USP45: variants seen among roughly 807,000 people sequenced by gnomAD.
USP45 encodes ubiquitin carboxyl-terminal hydrolase 45.
In USP45, 89 loss-of-function variants were observed where a neutral mutation model predicts 95.8. That is an observed-to-expected ratio of 0.93 (90% CI 0.78 to 1.11). USP45 has a LOEUF of 1.11. USP45 is among the 50% of genes least tolerant of loss of function. The pLI, the probability that USP45 is intolerant of heterozygous loss-of-function variation, is 0.00. For missense variants in USP45, 898 were observed against 942.5 expected, an observed-to-expected ratio of 0.95 and a Z score of 0.62; for synonymous variants, 281 against 316.2, an observed-to-expected ratio of 0.89 and a Z score of 1.18.
At chr6:99,464,505 A>G (rs1448402109) in intron 13 of USP45, 99 bp downstream of exon 13, 2 of 1,334,276 alleles carry the variant, frequency 1.5e-6, no homozygotes, top group African/African-American at 1.5e-5. Flanking sequence ...TGGGTACATG[A>G]GAGTTTATTA....
chr6:99,510,664 A>C (rs993798745), intron 1 of USP45, among the ~76,000 whole-genome samples: 1 of 152,152 alleles, frequency 6.6e-6, no homozygotes, highest in Non-Finnish European at 1.5e-5. Context: ...ACCAGGAAGA[A>C]GGCCCTCACC....
intron 13 of USP45, chr6:99,461,077 T>G (rs1786332065): frequency 2.0e-6 from 2 of 984,924 alleles, no homozygotes; most frequent in African/African-American, 3.5e-5. Context: ...CACTTCTGAT[T>G]CTGGCAGAAG....
rs1405237166 is a variant in USP45 at position 99,435,744 on chromosome 6, T to C, written c.2417A>G (p.Tyr806Cys). ...PESRALSAQA[Y>C]LLFYERVL ...TAATACTCTTTCATAGAAAAGAAGG[T>C]AGGCTTGTGCACTAAGTGCTCTTGA... Residue 806 changes from tyrosine (Y) to cysteine (C), a missense_variant, in exon 18 of 18, where the codon TAC (tyrosine) becomes TGC (cysteine). Coordinates refer to ENST00000500704, the MANE Select transcript of USP45 (RefSeq NM_001346022.3). The C allele has an allele frequency of 6.2e-7, 1 of 1,613,352 alleles. No individual in the cohort carries two copies.
At chr6:99,504,269 A>T (rs563125027) in intron 4 of USP45, among the ~76,000 whole-genome samples, 2 of 152,274 alleles carry the variant, frequency 1.3e-5, no homozygotes, top group South Asian at 4.1e-4. Flanking sequence ...GCCACCCAGT[A>T]GCTGGGATTA....
In USP45 at chr6:99,445,797, C is replaced by A; in HGVS notation, c.1975G>T (p.Glu659Ter). 1 of 1,549,906 alleles carries A rather than the reference C, an allele frequency of 6.5e-7. No homozygotes were observed. The change falls in exon 14 of 18, where the codon GAA becomes TAA. Residue 659 changes from glutamate (E) to a stop codon, truncating the protein, a stop_gained and splice_region_variant. Transcript: ENST00000500704. LOFTEE classifies it high-confidence loss of function. ...QKYQEETSFA[E>*]KKVEGVYTNA... The stretch of plus-strand genomic sequence containing the variant: ...ATTATGTAATTAAAAAAATAATTAC[C>A]TGCAAAACTGGTTTCTTCTTGGTAC...
upstream of USP45, among the ~76,000 whole-genome samples, chr6:99,516,250 G>T (rs926760244): frequency 6.6e-6 from 1 of 152,188 alleles, no homozygotes; most frequent in Non-Finnish European, 1.5e-5. Context: ...GTTATCTGTT[G>T]AAGTGGCCAG....
intron 16 of USP45, among the ~76,000 whole-genome samples, chr6:99,439,182 G>A (rs1781054585): frequency 1.3e-5 from 2 of 152,132 alleles, no homozygotes; most frequent in Non-Finnish European, 2.9e-5. Context: ...GAACAGGACA[G>A]TATGTTACCC....
At chr6:99,456,126 C>G (rs1401059845) in intron 13 of USP45, among the ~76,000 whole-genome samples, 1 of 92,196 alleles carries the variant, frequency 1.1e-5, no homozygotes, top group Non-Finnish European at 2.0e-5. Context: ...GAGCGAGACT[C>G]TGTCTCGGAA....
intron 1 of USP45, among the ~76,000 whole-genome samples, chr6:99,511,073 T>C (rs1409814754): frequency 6.6e-6 from 1 of 151,768 alleles, no homozygotes; most frequent in African/African-American, 2.4e-5. Context: ...TTTTTGGGGG[T>C]TTTTCACTCT....
intron 8 of USP45, among the ~76,000 whole-genome samples, chr6:99,476,853 AAT>A (rs984016573): frequency 6.6e-6 from 1 of 152,232 alleles, no homozygotes; most frequent in African/African-American, 2.4e-5. Flanking sequence ...TCTCCCTGTG[AAT>A]ATGTTTTTTA....
rs764062524 is a variant in USP45, at chr6:99,445,826, T to C, written c.1946A>G (p.Gln649Arg). Residue 649 changes from glutamine (Q) to arginine (R), a missense_variant, in exon 14 of 18, where the codon CAG (glutamine) becomes CGG (arginine). Coordinates refer to ENST00000500704, the MANE Select transcript of USP45 (RefSeq NM_001346022.3). ...LLCENCTKNK[Q>R]KYQEETSFAE... ...AAAACTGGTTTCTTCTTGGTACTTC[T>C]GTTTGTTTTTAGTACAATTCTCACA... 6.3e-7 allele frequency: 1 copy of C among 1,584,646 alleles called. No homozygotes were observed. Among genetic ancestry groups the C allele is most frequent in the East Asian group, 2.2e-5 (1 of 44,620 alleles).
intron 5 of USP45, among the ~76,000 whole-genome samples, chr6:99,496,041 C>G (rs1476770031): frequency 1.3e-5 from 2 of 152,090 alleles, no homozygotes; most frequent in Non-Finnish European, 2.9e-5. Flanking sequence ...CTTTTTGAAC[C>G]TAGCCCCTTG....
intron 10 of USP45, among the ~76,000 whole-genome samples, chr6:99,467,397 T>G (rs1464861173): frequency 1.3e-5 from 2 of 152,136 alleles, no homozygotes; most frequent in African/African-American, 2.4e-5. Flanking sequence ...TAATAAAAAT[T>G]TGAAACTTTC....
chr6:99,472,907 CAGAA>C (rs1789800010), intron 9 of USP45, among the ~76,000 whole-genome samples: 1 of 152,120 alleles, frequency 6.6e-6, no homozygotes. Context: ...GTTTGGGAGT[CAGAA>C]AGACTTGAGT....
chr6:99,501,382 T>G (rs951844334), intron 5 of USP45, among the ~76,000 whole-genome samples: 5 of 152,198 alleles, frequency 3.3e-5, no homozygotes, highest in Non-Finnish European at 5.9e-5. Flanking sequence ...TTCCTTACCA[T>G]GGAGTTCATT....
At chr6:99,437,536 G>T (rs768752435) in intron 16 of USP45, 137 bp from the exon 17 acceptor site, 206 of 928,650 alleles carry the variant, frequency 2.2e-4, no homozygotes, top group Non-Finnish European at 3.0e-4. Context: ...TTACTAGGCT[G>T]GCAAAATGGA....
intron 5 of USP45, chr6:99,502,071 T>TA: frequency 8.0e-7 from 1 of 1,250,196 alleles, no homozygotes; most frequent in Non-Finnish European, 1.0e-6. Context: ...GTTAAATCAA[T>TA]ATGGCCAATG....
intron 7 of USP45, among the ~76,000 whole-genome samples, chr6:99,483,373 A>G (rs997160729): frequency 1.3e-5 from 2 of 152,230 alleles, no homozygotes; most frequent in African/African-American, 4.8e-5. Flanking sequence ...GGGGAGAGAC[A>G]TAAAGCTTGA....
Position 99,435,710 on chromosome 6 carries a change from T to A in USP45, c.*6A>T, listed in dbSNP as rs773121980. 6.2e-7 allele frequency: 1 copy of A among 1,609,146 alleles called. No homozygotes were observed. The highest frequency in any genetic ancestry group is 8.5e-7 in the Non-Finnish European group (1 of 1,177,648). On this transcript the variant is annotated 3_prime_UTR_variant, in exon 18 of 18. Transcript: ENST00000500704. The stretch of plus-strand genomic sequence containing the variant: ...AAATGACCTAAATAATCATTACCAT[T>A]AATAGTTATAATACTCTTTCATAGA...
Sources: gnomAD v4.1 joint callset for allele counts (sites outside exome capture counted in the v4.1 genomes callset) on GRCh38, gnomAD v4.1.1 for gene constraint, MANE v1.5 for transcripts, NCBI Gene and HGNC (gene_info 2026-07-23, HGNC 2026-07-21) for gene names.